The following PON2 variants were observed in gnomAD, a reference collection of about 807,000 sequenced individuals.
The protein encoded by PON2 is paraoxonase 2.
In PON2, 27 loss-of-function variants were observed where a neutral mutation model predicts 36.6. The observed-to-expected ratio is 0.74, with a 90% CI of 0.54 to 1.02. PON2 has a LOEUF of 1.02. Among genes scored for constraint, PON2 ranks in the 50% least tolerant of loss-of-function variants. The pLI is 0.00. For synonymous variants in PON2, 149 were observed against 156.3 expected (o/e 0.95, Z 0.35); for missense variants, 363 against 421.1 (o/e 0.86, Z 1.21).
intron 3 of PON2, among the ~76,000 whole-genome samples, chr7:95,414,817 T>C (rs17876198): frequency 0.011 from 1,716 of 152,348 alleles, 27 homozygotes; most frequent in South Asian, 0.047. Flanking sequence ...ATTCATTCTG[T>C]GTAGGCAATT....
intron 1 of PON2, among the ~76,000 whole-genome samples, chr7:95,432,903 T>C (rs556861888): frequency 3.6e-4 from 55 of 152,350 alleles, no homozygotes; most frequent in South Asian, 2.7e-3. Context: ...TGGTAGCACC[T>C]TTGACTTCTC....
intron 1 of PON2, among the ~76,000 whole-genome samples, chr7:95,431,809 G>A (rs920758678): frequency 2.6e-5 from 4 of 151,470 alleles, no homozygotes; most frequent in Admixed American, 1.3e-4. Flanking sequence ...GGTACCCAGT[G>A]ATATTTTAAT....
chr7:95,409,900 C>G lies in PON2; in HGVS notation c.695+1G>C. The G allele has an allele frequency of 6.2e-7, 1 of 1,612,240 alleles. No individual in the cohort carries two copies. The highest frequency in any genetic ancestry group is 8.5e-7 in the Non-Finnish European group (1 of 1,179,286). On this transcript the variant is annotated splice_donor_variant, in intron 6 of 8. Coordinates refer to ENST00000222572, the MANE Select transcript of PON2 (RefSeq NM_000305.3). LOFTEE classifies it high-confidence loss of function. The stretch of plus-strand genomic sequence containing the variant: ...TGAAGATATTCTATAAGGGGCCATA[C>G]TTATCATCAGGTGAAATATTGATCC...
At chr7:95,434,194 A>C (rs1397332876) in intron 1 of PON2, 1 of 152,244 alleles carries the variant, frequency 6.6e-6, no homozygotes, top group African/African-American at 2.4e-5. Flanking sequence ...CCATCTCTAC[A>C]AAAAATAAAA....
intron 1 of PON2, among the ~76,000 whole-genome samples, chr7:95,430,913 A>AG (rs397703251): frequency 4.2e-4 from 63 of 149,874 alleles, no homozygotes; most frequent in African/African-American, 1.3e-3. Context: ...AAAAAAAAAA[A>AG]GGGAAAAAGG....
At chr7:95,420,012 T>A (rs1789157033) in intron 2 of PON2, among the ~76,000 whole-genome samples, 1 of 152,220 alleles carries the variant, frequency 6.6e-6, no homozygotes. Flanking sequence ...ACTCATCAAG[T>A]ATATACATTA....
At chr7:95,426,072 G>A (rs553347231) in intron 1 of PON2, among the ~76,000 whole-genome samples, 31 of 152,172 alleles carry the variant, frequency 2.0e-4, no homozygotes, top group African/African-American at 6.7e-4. Context: ...TAAAGATGAC[G>A]ATGGTAGACA....
rs991838953 is a variant in PON2 at position 95,406,139 on chromosome 7, T to A, written c.886A>T (p.Asn296Tyr). 6.2e-7 allele frequency: 1 copy of A among 1,613,830 alleles called. No homozygotes were observed. The highest frequency in any genetic ancestry group is 1.3e-5 in the African/African-American group (1 of 75,024). ...NGQKLFVYDP[N>Y]NPPSSEVLRI... ...AAAACCTCTGACGAGGGAGGATTGT[T>A]CGGGTCATACACGAAGAGCTTCTGG... The change falls in exon 8 of 9, where the codon AAC becomes TAC. Residue 296 changes from asparagine (N) to tyrosine (Y), a missense_variant. Physicochemically the swap from Asn to Tyr is moderately radical, Grantham distance 143 (BLOSUM62 -2). Coordinates refer to ENST00000222572, the MANE Select transcript of PON2 (RefSeq NM_000305.3).
At chr7:95,412,556 A>C in intron 3 of PON2, 79 bp from the exon 4 acceptor site, 1 of 1,424,872 alleles carries the variant, frequency 7.0e-7, no homozygotes, top group South Asian at 1.2e-5. Flanking sequence ...TACATGAAGG[A>C]TAAATAGAGA....
intron 6 of PON2, 77 bp downstream of exon 6, chr7:95,409,824 G>T: frequency 7.8e-7 from 1 of 1,286,730 alleles, no homozygotes; most frequent in Non-Finnish European, 1.1e-6. Context: ...TTTTCACATT[G>T]ACAAAGAAAG....
chr7:95,426,702 C>A (rs1453676870), intron 1 of PON2, among the ~76,000 whole-genome samples: 1 of 152,170 alleles, frequency 6.6e-6, no homozygotes, highest in Non-Finnish European at 1.5e-5. Flanking sequence ...CCTAAAACAC[C>A]TCCAAGATTC....
chr7:95,429,213 G>C (rs1789384514), intron 1 of PON2, among the ~76,000 whole-genome samples: 1 of 145,244 alleles, frequency 6.9e-6, no homozygotes, highest in Admixed American at 7.0e-5. Context: ...GCCCCGGTGT[G>C]TGATGTTCCC....
intron 3 of PON2, among the ~76,000 whole-genome samples, chr7:95,413,498 T>A (rs1277983674): frequency 2.0e-5 from 3 of 152,242 alleles, no homozygotes; most frequent in Admixed American, 6.5e-5. Flanking sequence ...ATTTTCCTTA[T>A]CTTTCTAGTT....
chr7:95,417,733 A>G (rs1789102784), intron 2 of PON2, among the ~76,000 whole-genome samples: 1 of 151,488 alleles, frequency 6.6e-6, no homozygotes. Flanking sequence ...ACACCGAGAG[A>G]GAATTCTAGT....
At chr7:95,417,459 C>T (rs1470195132) in intron 2 of PON2, among the ~76,000 whole-genome samples, 8 of 152,022 alleles carry the variant, frequency 5.3e-5, no homozygotes, top group Non-Finnish European at 7.3e-5. Context: ...TGTGAACCCT[C>T]GGAAATTCTA....
intron 1 of PON2, among the ~76,000 whole-genome samples, chr7:95,433,417 A>C (rs1421610037): frequency 6.6e-6 from 1 of 152,158 alleles, no homozygotes; most frequent in African/African-American, 2.4e-5. Context: ...GCTGAATCAG[A>C]ATCTTTGGTG....
chr7:95,433,977 G>A (rs1203314881), intron 1 of PON2, among the ~76,000 whole-genome samples: 5 of 152,162 alleles, frequency 3.3e-5, no homozygotes, highest in East Asian at 3.8e-4. Flanking sequence ...CATAAGGGTC[G>A]TACTCTACTA....
In PON2 at chr7:95,406,128, G is replaced by A. The variant is rs748932963; in HGVS notation, c.897C>T (p.Pro299=). 6.2e-6 allele frequency: 10 copies of A among 1,613,740 alleles called. 1 individual carries two copies. The Admixed American group carries it at 1.7e-4, about 27-fold the overall frequency. The change falls in exon 8 of 9, where the codon CCC becomes CCT. Residue 299 remains proline (P), a synonymous_variant. Coordinates refer to ENST00000222572, the MANE Select transcript of PON2 (RefSeq NM_000305.3). The part of the protein sequence containing the change: ...KLFVYDPNNP[P]SSEVLRIQNI... ...CTGAAAATATAAAAACCTCTGACGA[G>A]GGAGGATTGTTCGGGTCATACACGA...
chr7:95,417,947 T>A (rs1035488367), intron 2 of PON2, among the ~76,000 whole-genome samples: 1 of 152,170 alleles, frequency 6.6e-6, no homozygotes, highest in Non-Finnish European at 1.5e-5. Flanking sequence ...TTCTACAAAA[T>A]TGTATATTTT....
Sources: allele counts gnomAD v4.1 joint callset (sites outside exome capture counted in the v4.1 genomes callset), GRCh38; gene constraint gnomAD v4.1.1; transcripts MANE v1.5; gene names NCBI Gene and HGNC (gene_info 2026-07-23, HGNC 2026-07-21).